Variants in ALDH1L2 observed in about 807,000 individuals in gnomAD.
ALDH1L2 encodes the protein aldehyde dehydrogenase 1 family member L2, also known as mitochondrial 10-formyltetrahydrofolate dehydrogenase.
Under a neutral mutation model 111.0 loss-of-function variants are expected in ALDH1L2, and 91 were observed. The observed-to-expected ratio is 0.82, with a 90% CI of 0.69 to 0.98. The LOEUF (loss-of-function observed/expected upper bound fraction) is 0.98, where lower values mean the gene tolerates loss of function less well. Ranked by LOEUF, ALDH1L2 falls within the 50% of genes least tolerant of loss-of-function variation. The probability of loss-of-function intolerance (pLI) is 0.00; values close to 1 mark genes in which losing one functional copy is unlikely to be tolerated. For missense variants in ALDH1L2, 995 were observed against 1,126.8 expected, an observed-to-expected ratio of 0.88 and a Z score of 1.67; for synonymous variants, 374 against 392.6, an observed-to-expected ratio of 0.95 and a Z score of 0.56.
intron 15 of ALDH1L2, among the ~76,000 whole-genome samples, chr12:105,043,207 T>C (rs896321526): frequency 6.6e-6 from 1 of 152,196 alleles, no homozygotes; most frequent in Non-Finnish European, 1.5e-5. Flanking sequence ...CCCTTGCTCA[T>C]TTGCCTTCAG....
rs540993776 is a variant in ALDH1L2, at chr12:105,067,206, ACT to A, written c.595-539_595-538del. The stretch of plus-strand genomic sequence containing the variant: ...ACTCCAGCCTGGGCGACAGAGCGAG[ACT>A]CTGTCTCAAAAAAAAAAAAAAAAAA... On this transcript the variant is annotated intron_variant, in intron 4 of 22. Coordinates refer to ENST00000258494, the MANE Select transcript of ALDH1L2 (RefSeq NM_001034173.4). 6.7e-4 allele frequency among the ~76,000 whole-genome samples: 83 copies of A among 123,532 alleles called. No homozygotes were observed. In the East Asian group the frequency reaches 0.019, roughly 28 times the overall value. The allele number at this position is 123,532 out of a possible 152,430, so 81.0% of individuals were successfully genotyped here.
intron 1 of ALDH1L2, among the ~76,000 whole-genome samples, chr12:105,080,264 T>C (rs962769669): frequency 3.3e-5 from 5 of 152,184 alleles, no homozygotes; most frequent in Non-Finnish European, 7.4e-5. Flanking sequence ...AAACACACAA[T>C]ATCGTCAAAT....
intron 1 of ALDH1L2, 56 bp from the exon 2 acceptor site, chr12:105,074,061 G>T: frequency 6.2e-7 from 1 of 1,602,640 alleles, no homozygotes; most frequent in East Asian, 2.2e-5. Context: ...ACTGGATGAG[G>T]GTGAGGGTTA....
Position 105,038,098 on chromosome 12 carries a change from C to T in ALDH1L2, c.2145+5G>A, listed in dbSNP as rs767802759. The T allele has an allele frequency of 6.8e-6, 11 of 1,612,386 alleles. No homozygotes were observed. The Admixed American group carries it at 1.2e-4, about 17-fold the overall frequency. ...CCTATTTACTTAAATTTGACCCTCT[C>T]TTACCATTCGCACAGCCTTGTCAAG... On this transcript the variant is annotated splice_donor_5th_base_variant and intron_variant, in intron 18 of 22. Coordinates refer to ENST00000258494, the MANE Select transcript of ALDH1L2 (RefSeq NM_001034173.4).
intron 20 of ALDH1L2, among the ~76,000 whole-genome samples, chr12:105,031,532 G>C (rs1176387984): frequency 6.6e-6 from 1 of 152,146 alleles, no homozygotes; most frequent in Non-Finnish European, 1.5e-5. Context: ...CCAAGTTGGA[G>C]TGCAGTGGCT....
chr12:105,057,068 A>C (rs1284211814), intron 10 of ALDH1L2, among the ~76,000 whole-genome samples: 3 of 151,890 alleles, frequency 2.0e-5, no homozygotes, highest in Admixed American at 1.3e-4. Context: ...TCAGCAATAA[A>C]AAGACAAGCC....
chr12:105,030,056 A>G (rs1174500218), intron 21 of ALDH1L2: 3 of 245,102 alleles, frequency 1.2e-5, no homozygotes, highest in Non-Finnish European at 1.5e-5. Context: ...TTTGTTCCAC[A>G]GACATCTCAA....
rs1470436102 is a variant in ALDH1L2, at chr12:105,062,990, A to G, written c.819T>C (p.Asn273=). The change falls in exon 7 of 23, where the codon AAT becomes AAC. Residue 273 remains asparagine (N), a synonymous_variant. Coordinates refer to ENST00000258494, the MANE Select transcript of ALDH1L2 (RefSeq NM_001034173.4). The stretch of plus-strand genomic sequence containing the variant: ...GTGGTTCTCCAGGAGGCACAGAGCT[A>G]TTCAGTAATGTCGAGCCATAGAAAG... ...MVTFYGSTLL[N]SSVPPGEPLE... is the part of the protein sequence containing the mutation. 1 of 1,614,066 alleles carries G rather than the reference A, an allele frequency of 6.2e-7. No individual in the cohort carries two copies. Among genetic ancestry groups the G allele is most frequent in the Non-Finnish European group, 8.5e-7 (1 of 1,180,008 alleles).
At chr12:105,074,185 C>T (rs771960718) in intron 1 of ALDH1L2, 180 bp from the exon 2 acceptor site, 139 of 697,078 alleles carry the variant, frequency 2.0e-4, no homozygotes, top group Non-Finnish European at 2.8e-4. Flanking sequence ...TGGCCGGGCA[C>T]GGTGGCTCAC....
At chr12:105,061,182 G>A (rs1876978176) in intron 8 of ALDH1L2, 110 bp from the exon 9 acceptor site, 2 of 909,052 alleles carry the variant, frequency 2.2e-6, no homozygotes, top group Non-Finnish European at 3.5e-6. Context: ...ACACTCAGCT[G>A]TACATACAGC....
intron 2 of ALDH1L2, 65 bp downstream of exon 2, chr12:105,073,796 G>A (rs1877871731): frequency 1.2e-6 from 2 of 1,600,344 alleles, no homozygotes; most frequent in South Asian, 1.1e-5. Flanking sequence ...TGGACCATGA[G>A]ATGGAAGTCC....
At chr12:105,076,074 T>G (rs1878039749) in intron 1 of ALDH1L2, among the ~76,000 whole-genome samples, 1 of 152,218 alleles carries the variant, frequency 6.6e-6, no homozygotes, top group South Asian at 2.1e-4. Context: ...GCTATTTTAC[T>G]TCAGTCTTAT....
chr12:105,068,640 G>T, intron 4 of ALDH1L2, 79 bp downstream of exon 4: 1 of 1,251,230 alleles, frequency 8.0e-7, no homozygotes, highest in Non-Finnish European at 1.0e-6. Flanking sequence ...AAATTCATAT[G>T]GATAATTTCT....
In ALDH1L2 at chr12:105,052,073, A is replaced by C; in HGVS notation, c.1535+17T>G. On this transcript the variant is annotated intron_variant, in intron 12 of 22. Coordinates refer to ENST00000258494, the MANE Select transcript of ALDH1L2 (RefSeq NM_001034173.4). ...AGTTACTTTTCTAAAAAATAAAAAA[A>C]TAAAAAATAGAAATACCTATACATC... is the stretch of plus-strand genomic sequence containing the variant. The C allele has an allele frequency of 6.4e-7, 1 of 1,566,942 alleles. No homozygotes were observed. Among genetic ancestry groups the C allele is most frequent in the Admixed American group, 2.0e-5 (1 of 50,896 alleles).
intron 21 of ALDH1L2, among the ~76,000 whole-genome samples, chr12:105,029,796 G>C (rs1290402021): frequency 6.6e-6 from 1 of 152,042 alleles, no homozygotes; most frequent in Admixed American, 6.6e-5. Context: ...TATGAGCTCA[G>C]TTAGCACTTG....
intron 18 of ALDH1L2, among the ~76,000 whole-genome samples, chr12:105,036,210 TTATATATGTGTATATAATA>T: frequency 1.9e-5 from 1 of 53,504 alleles, no homozygotes; most frequent in Non-Finnish European, 2.9e-5. Flanking sequence ...ACACGTATAT[TTATATATGTGTATATAATA>T]TATACACGTA....
rs1257518506 is a variant in ALDH1L2, at chr12:105,065,501, T to C, written c.697-145A>G. 20 of 602,016 alleles carry C rather than the reference T, an allele frequency of 3.3e-5. No homozygotes were observed. The East Asian group carries it at 5.7e-4, about 17-fold the overall frequency. The allele number at this position is 602,016 out of a possible 1,614,324, so 37.3% of individuals were successfully genotyped here. A position where few individuals can be genotyped will look rare whatever the true frequency, so the allele number is the denominator to read the frequency against. On this transcript the variant is annotated intron_variant, in intron 5 of 22. Coordinates refer to ENST00000258494, the MANE Select transcript of ALDH1L2 (RefSeq NM_001034173.4). ...TTCTTAGTTTTATTTGGAGTAAGTATTTTGTCAGGTGGCTGATTTAGTAAA... is the reference window on the plus strand; with the variant it reads ...TTCTTAGTTTTATTTGGAGTAAGTACTTTGTCAGGTGGCTGATTTAGTAAA...
rs140705236 is a variant in ALDH1L2, at chr12:105,031,573, C to T, written c.2410+196G>A. On this transcript the variant is annotated intron_variant, in intron 20 of 22. Coordinates refer to ENST00000258494, the MANE Select transcript of ALDH1L2 (RefSeq NM_001034173.4). ...TCAGCTCACTGCAGCCTCCTCCGCT[C>T]ACGTTAACCTGCCTCCTAGGTTAAA... Among the ~76,000 whole-genome samples, 20 of 152,258 alleles carry T rather than the reference C, an allele frequency of 1.3e-4. No homozygotes were observed. In the East Asian group the frequency reaches 3.7e-3, roughly 28 times the overall value.
At chr12:105,074,104 T>G in intron 1 of ALDH1L2, 99 bp from the exon 2 acceptor site, 1 of 1,465,692 alleles carries the variant, frequency 6.8e-7, no homozygotes, top group Non-Finnish European at 9.3e-7. Context: ...ATGTTCACTC[T>G]TTGGGTATCA....
Sources: allele counts gnomAD v4.1 joint callset (sites outside exome capture counted in the v4.1 genomes callset), GRCh38; gene constraint gnomAD v4.1.1; transcripts MANE v1.5; gene names NCBI Gene and HGNC (gene_info 2026-07-23, HGNC 2026-07-21).